Variants in DOCK1 observed in about 807,000 individuals in gnomAD.
The protein encoded by DOCK1 is dedicator of cytokinesis 1.
In DOCK1, 138 loss-of-function variants were observed where a neutral mutation model predicts 262.7. The ratio of observed to expected loss-of-function variants is 0.53; its 90% CI spans 0.46 to 0.61. DOCK1 has a LOEUF of 0.61. DOCK1 is among the 20% of genes least tolerant of loss of function. The pLI, the probability that DOCK1 is intolerant of heterozygous loss-of-function variation, is 0.00. For missense variants in DOCK1, 1,908 were observed against 2,370.7 expected, an observed-to-expected ratio of 0.80 and a Z score of 4.05; for synonymous variants, 866 against 867.4, an observed-to-expected ratio of 1.00 and a Z score of 0.03.
At chr10:127,428,909 G>A (rs1317503867) in intron 47 of DOCK1, among the ~76,000 whole-genome samples, 2 of 143,156 alleles carry the variant, frequency 1.4e-5, no homozygotes, top group African/African-American at 5.2e-5. Flanking sequence ...GGATTGAGCC[G>A]TGTGGATTGG....
At chr10:127,415,262 G>T (rs1408640040) in intron 44 of DOCK1, 24 bp downstream of exon 44, 1 of 1,605,378 alleles carries the variant, frequency 6.2e-7, no homozygotes, top group East Asian at 2.2e-5. Flanking sequence ...CACCCCAGAA[G>T]GAATTGTCCG....
chr10:127,342,208 C>T (rs74158667), intron 30 of DOCK1, among the ~76,000 whole-genome samples: 1,675 of 152,256 alleles, frequency 0.011, 37 homozygotes, highest in African/African-American at 0.037. Context: ...CCATGATTCT[C>T]AGAATACAGG....
At chr10:127,315,063 A>C (rs55756348) in intron 29 of DOCK1, among the ~76,000 whole-genome samples, 2,481 of 151,416 alleles carry the variant, frequency 0.016, 72 homozygotes, top group African/African-American at 0.058. Context: ...AGGGCCTGAA[A>C]CCTGGGAGGC....
chr10:127,273,418 G>C (rs2060636057), intron 29 of DOCK1, among the ~76,000 whole-genome samples: 1 of 152,204 alleles, frequency 6.6e-6, no homozygotes, highest in Admixed American at 6.5e-5. Context: ...CCTGCTCCCT[G>C]CTAACTCCAA....
At chr10:126,983,198 TG>T (rs2039104509) in intron 4 of DOCK1, among the ~76,000 whole-genome samples, 1 of 152,206 alleles carries the variant, frequency 6.6e-6, no homozygotes, top group African/African-American at 2.4e-5. Flanking sequence ...TTGGGTTCCC[TG>T]TGATTGTTCT....
At chr10:127,318,467 G>T (rs1255571244) in intron 29 of DOCK1, among the ~76,000 whole-genome samples, 1 of 152,216 alleles carries the variant, frequency 6.6e-6, no homozygotes, top group Admixed American at 6.5e-5. Flanking sequence ...CATGTGTGCA[G>T]GAGGCAGTAG....
chr10:126,982,108 G>A, intron 4 of DOCK1, 135 bp downstream of exon 4: 2 of 878,754 alleles, frequency 2.3e-6, no homozygotes, highest in Non-Finnish European at 3.6e-6. Context: ...GGAGTTTTGG[G>A]GAGAGAAAGG....
At chr10:127,231,241 CT>C (rs3083935) in intron 27 of DOCK1, among the ~76,000 whole-genome samples, 23,775 of 143,940 alleles carry the variant, frequency 0.17, 1,967 homozygotes, top group African/African-American at 0.21. Flanking sequence ...GAATCCAAGG[CT>C]TTTTTTTTTT....
chr10:127,070,250 CTTTTT>C (rs71032535), intron 23 of DOCK1, among the ~76,000 whole-genome samples: 1 of 92,948 alleles, frequency 1.1e-5, no homozygotes, highest in African/African-American at 4.2e-5. Context: ...GAATTTAGCC[CTTTTT>C]TTTTTTTTTT....
intron 28 of DOCK1, among the ~76,000 whole-genome samples, chr10:127,256,002 G>C (rs748037855): frequency 6.6e-6 from 1 of 152,208 alleles, no homozygotes; most frequent in Non-Finnish European, 1.5e-5. Context: ...CCTGAGAGCA[G>C]GTGGACACAG....
At chr10:126,918,845 C>G (rs1211892606) in intron 1 of DOCK1, among the ~76,000 whole-genome samples, 2 of 130,684 alleles carry the variant, frequency 1.5e-5, no homozygotes, top group African/African-American at 2.7e-5. Flanking sequence ...GGAAGAAAAG[C>G]TAGAAACCCC....
chr10:127,291,044 A>G (rs1441295031), intron 29 of DOCK1, among the ~76,000 whole-genome samples: 3 of 152,150 alleles, frequency 2.0e-5, no homozygotes, highest in African/African-American at 7.2e-5. Flanking sequence ...TGCATAGGAC[A>G]GCTGGGGCTT....
chr10:127,039,698 C>T (rs909187746), intron 19 of DOCK1, among the ~76,000 whole-genome samples: 3 of 152,116 alleles, frequency 2.0e-5, no homozygotes, highest in African/African-American at 7.2e-5. Context: ...GGAATTCCTG[C>T]CTGCACGGGG....
At chr10:127,276,883 A>C (rs1331594570) in intron 29 of DOCK1, among the ~76,000 whole-genome samples, 1 of 152,146 alleles carries the variant, frequency 6.6e-6, no homozygotes, top group East Asian at 1.9e-4. Flanking sequence ...TTACCTTCCT[A>C]GTTCCTCAGA....
At chr10:127,102,377 G>A (rs1022918050) in intron 23 of DOCK1, among the ~76,000 whole-genome samples, 1 of 152,184 alleles carries the variant, frequency 6.6e-6, no homozygotes, top group Non-Finnish European at 1.5e-5. Context: ...TCTGACAGGT[G>A]CAGAATACTT....
intron 5 of DOCK1, chr10:126,988,137 A>G (rs2039545336): frequency 1.3e-5 from 2 of 152,312 alleles, no homozygotes; most frequent in South Asian, 4.1e-4. Context: ...CTTCGTGTGC[A>G]ATTGTCCAGT....
intron 43 of DOCK1, among the ~76,000 whole-genome samples, chr10:127,413,894 A>G (rs952281362): frequency 6.6e-6 from 1 of 151,624 alleles, no homozygotes; most frequent in Non-Finnish European, 1.5e-5. Flanking sequence ...ATGCTTTCCA[A>G]GATCCAAGTC....
chr10:127,403,786 A>G (rs915788862), intron 39 of DOCK1, among the ~76,000 whole-genome samples: 1 of 152,154 alleles, frequency 6.6e-6, no homozygotes, highest in Non-Finnish European at 1.5e-5. Flanking sequence ...GACCCCTTCT[A>G]TGAGAGAGGG....
At chr10:126,994,516 G>A (rs1033156006) in intron 6 of DOCK1, among the ~76,000 whole-genome samples, 5 of 152,112 alleles carry the variant, frequency 3.3e-5, no homozygotes, top group Non-Finnish European at 7.3e-5. Flanking sequence ...GGGAGTGGTG[G>A]TGACTCTTAA....
Sources: gnomAD v4.1 joint callset for allele counts (sites outside exome capture counted in the v4.1 genomes callset) on GRCh38, gnomAD v4.1.1 for gene constraint, MANE v1.5 for transcripts, NCBI Gene and HGNC (gene_info 2026-07-23, HGNC 2026-07-21) for gene names.